The following CYP2U1 variants were observed in gnomAD, a reference collection of about 807,000 sequenced individuals.
CYP2U1 encodes cytochrome P450 2U1.
Under a neutral mutation model 42.8 loss-of-function variants are expected in CYP2U1, and 28 were observed. That is an observed-to-expected ratio of 0.65 (90% CI 0.48 to 0.90). CYP2U1 has a LOEUF of 0.90. Ranked by LOEUF, CYP2U1 falls within the 40% of genes least tolerant of loss-of-function variation. The pLI is 0.00. For missense variants in CYP2U1, 642 were observed against 693.8 expected (o/e 0.93, Z 0.84); for synonymous variants, 296 against 278.9 (o/e 1.06, Z -0.61).
Position 107,931,956 on chromosome 4 carries a change from G to A in CYP2U1, c.313G>A (p.Val105Met), listed in dbSNP as rs748573097. 11 of 1,551,514 alleles carry A rather than the reference G, an allele frequency of 7.1e-6. No homozygotes were observed. In the South Asian group the frequency reaches 9.5e-5, roughly 13 times the overall value. Reference sequence around the variant, plus strand: ...TGATCCCTCGGTCATAGGCCCGCAGGTGCTCCTGGCTCACCTAGCCCGCGT... The same window carrying A: ...TGATCCCTCGGTCATAGGCCCGCAGATGCTCCTGGCTCACCTAGCCCGCGT... ...GIDPSVIGPQ[V>M]LLAHLARVYG... Residue 105 changes from valine (V) to methionine (M), a missense_variant, in exon 1 of 5, where the codon GTG (valine) becomes ATG (methionine). Val to Met is a conservative substitution (Grantham distance 21). Transcript: ENST00000332884.
At chr4:107,942,786 A>G (rs1733544066) in intron 1 of CYP2U1, among the ~76,000 whole-genome samples, 1 of 152,224 alleles carries the variant, frequency 6.6e-6, no homozygotes, top group African/African-American at 2.4e-5. Context: ...ACCTAACACA[A>G]ATATAAATTC....
At chr4:107,932,235 C>G in intron 1 of CYP2U1, 102 bp downstream of exon 1, 4 of 1,462,474 alleles carry the variant, frequency 2.7e-6, no homozygotes, top group South Asian at 1.4e-5. Context: ...GCCCGCGCCC[C>G]CAGGCTGCCT....
intron 1 of CYP2U1, chr4:107,940,461 G>T (rs1476919143): frequency 6.6e-6 from 1 of 151,968 alleles, no homozygotes; most frequent in African/African-American, 2.4e-5. Flanking sequence ...ATGAACCGCT[G>T]TGTTCCAGTT....
intron 1 of CYP2U1, chr4:107,938,768 T>C (rs1010593066): frequency 2.0e-5 from 3 of 152,146 alleles, no homozygotes; most frequent in Non-Finnish European, 4.4e-5. Flanking sequence ...TACAAATTTG[T>C]AGTTTAAAAA....
chr4:107,945,304 G>T lies in CYP2U1; in HGVS notation c.825G>T (p.Trp275Cys). The T allele has an allele frequency of 6.2e-7, 1 of 1,613,970 alleles. No individual in the cohort carries two copies. Among genetic ancestry groups the T allele is most frequent in the Non-Finnish European group, 8.5e-7 (1 of 1,180,004 alleles). ...SQVLLVNICP[W>C]LYYLPFGPFK... The stretch of plus-strand genomic sequence containing the variant: ...TCCTCCTGGTCAACATATGCCCTTG[G>T]CTTTATTACCTTCCCTTTGGACCAT... The change falls in exon 2 of 5, where the codon TGG becomes TGT. Residue 275 changes from tryptophan to cysteine, a missense_variant. By Grantham distance (215) the Trp-to-Cys change is radical. Coordinates refer to ENST00000332884, the MANE Select transcript of CYP2U1 (RefSeq NM_183075.3).
intron 1 of CYP2U1, among the ~76,000 whole-genome samples, chr4:107,939,356 T>C (rs1217062047): frequency 1.3e-5 from 2 of 152,158 alleles, no homozygotes; most frequent in Non-Finnish European, 2.9e-5. Context: ...GGAAATAGTT[T>C]ATGGGCCTTT....
chr4:107,947,078 T>C (rs1733722129), intron 2 of CYP2U1, among the ~76,000 whole-genome samples: 1 of 152,160 alleles, frequency 6.6e-6, no homozygotes, highest in Non-Finnish European at 1.5e-5. Context: ...AGAGAGTCAA[T>C]CCCATGTTCA....
intron 1 of CYP2U1, among the ~76,000 whole-genome samples, chr4:107,935,081 T>C (rs1733209899): frequency 1.3e-5 from 2 of 152,264 alleles, no homozygotes; most frequent in Non-Finnish European, 2.9e-5. Context: ...TTGATGTATG[T>C]ATCACATTTT....
chr4:107,944,114 T>C (rs1019384011), intron 1 of CYP2U1, among the ~76,000 whole-genome samples: 28 of 152,304 alleles, frequency 1.8e-4, no homozygotes, highest in African/African-American at 6.3e-4. Flanking sequence ...ATTCATTTAG[T>C]CAGCTAATAT....
intron 1 of CYP2U1, chr4:107,936,098 T>C (rs1390535540): frequency 6.6e-6 from 1 of 152,166 alleles, no homozygotes; most frequent in Admixed American, 6.6e-5. Flanking sequence ...GACAAGGTGG[T>C]CTTCTTCTTA....
intron 1 of CYP2U1, among the ~76,000 whole-genome samples, chr4:107,942,300 A>C (rs985428398): frequency 2.6e-5 from 4 of 152,164 alleles, no homozygotes; most frequent in African/African-American, 9.7e-5. Context: ...CACTGTCTGC[A>C]CCTCAGCAAA....
At position 107,949,472 on chromosome 4, in the gene CYP2U1, C is replaced by G; in HGVS notation, c.1411C>G (p.Gln471Glu). The change falls in exon 4 of 5, where the codon CAA (glutamine) becomes GAA (glutamate). Residue 471 changes from glutamine to glutamate, a missense_variant. Gln to Glu is a conservative substitution (Grantham distance 29). Coordinates refer to ENST00000332884, the MANE Select transcript of CYP2U1 (RefSeq NM_183075.3). ...CTACCCTAATCGATTTCTGGATGAC[C>G]AAGGACAACTAATTAAAAAAGAAAC... Reference protein sequence around the residue: ...DFYPNRFLDDQGQLIKKETFI... With the variant: ...DFYPNRFLDDEGQLIKKETFI... 6.2e-7 allele frequency: 1 copy of G among 1,603,430 alleles called. No individual in the cohort carries two copies. The highest frequency in any genetic ancestry group is 8.5e-7 in the Non-Finnish European group (1 of 1,174,850).
Position 107,932,115 on chromosome 4 carries a change from A to G in CYP2U1, c.472A>G (p.Ile158Val). The change falls in exon 1 of 5, where the codon ATC becomes GTC. Residue 158 changes from isoleucine to valine, a missense_variant. By Grantham distance (29) the Ile-to-Val change is conservative (BLOSUM62 3). Transcript: ENST00000332884. ...CCGCCCGCGGGTGCCGCTCATCTCCATCGTGACCAAGGAGAAGGGTGAGCG... is the reference window on the plus strand; with the variant it reads ...CCGCCCGCGGGTGCCGCTCATCTCCGTCGTGACCAAGGAGAAGGGTGAGCG... ...SDRPRVPLIS[I>V]VTKEKGVVFA... The G allele has an allele frequency of 1.2e-6, 2 of 1,603,906 alleles. No homozygotes were observed. Among genetic ancestry groups the G allele is most frequent in the East Asian group, 2.3e-5 (1 of 44,328 alleles).
rs1383066375 is a variant in CYP2U1 at position 107,952,772 on chromosome 4, A to G, written c.*2349A>G. 1.3e-5 allele frequency: 2 copies of G among 152,250 alleles called. No individual in the cohort carries two copies. The highest frequency in any genetic ancestry group is 4.8e-5 in the African/African-American group (2 of 41,470). 9.4% of individuals were successfully genotyped at this position (152,250 alleles called of 1,614,324 possible). On this transcript the variant is annotated 3_prime_UTR_variant, in exon 5 of 5. Coordinates refer to ENST00000332884, the MANE Select transcript of CYP2U1 (RefSeq NM_183075.3). ...AAATGAAAATAATATCTGCTTAACCAAAACATAATCATAGGAAGAAGAAAA... is the reference window on the plus strand; with the variant it reads ...AAATGAAAATAATATCTGCTTAACCGAAACATAATCATAGGAAGAAGAAAA...
chr4:107,950,737 A>G lies in CYP2U1; in HGVS notation c.*314A>G, dbSNP rs1033165811. 8.9e-6 allele frequency: 2 copies of G among 225,152 alleles called. No homozygotes were observed. Among genetic ancestry groups the G allele is most frequent in the Non-Finnish European group, 1.7e-5 (2 of 114,682 alleles). The allele number at this position is 225,152 out of a possible 1,614,324, so 13.9% of individuals were successfully genotyped here. On this transcript the variant is annotated 3_prime_UTR_variant, in exon 5 of 5. Transcript: ENST00000332884. ...ATCTTCTCATTTCTTAGTGCCTCAGACATCCCATATGTAAAATGAGAGTAA... is the reference window on the plus strand; with the variant it reads ...ATCTTCTCATTTCTTAGTGCCTCAGGCATCCCATATGTAAAATGAGAGTAA...
At position 107,947,423 on chromosome 4, in the gene CYP2U1, C is replaced by A. The variant is rs762403327; in HGVS notation, c.1174C>A (p.Pro392Thr). ...AAGAGTCATTGGCGCCAACCGAGCT[C>A]CTTCCCTCACAGACAAGGCCCAGAT... ...IERVIGANRA[P>T]SLTDKAQMPY... The change falls in exon 3 of 5, where the codon CCT (proline) becomes ACT (threonine). Residue 392 changes from proline (P) to threonine (T), a missense_variant. Coordinates refer to ENST00000332884, the MANE Select transcript of CYP2U1 (RefSeq NM_183075.3). The A allele has an allele frequency of 9.9e-6, 16 of 1,614,046 alleles. No individual in the cohort carries two copies. The highest frequency in any genetic ancestry group is 1.4e-5 in the Non-Finnish European group (16 of 1,180,024).
intron 4 of CYP2U1, among the ~76,000 whole-genome samples, chr4:107,949,872 C>A (rs1374373005): frequency 6.6e-6 from 1 of 152,054 alleles, no homozygotes; most frequent in Non-Finnish European, 1.5e-5. Flanking sequence ...ACATAGAATT[C>A]TTTCTGTGGA....
rs1733960760 is a variant in CYP2U1 at position 107,952,953 on chromosome 4, C to T, written c.*2530C>T. On this transcript the variant is annotated 3_prime_UTR_variant, in exon 5 of 5. Coordinates refer to ENST00000332884, the MANE Select transcript of CYP2U1 (RefSeq NM_183075.3). ...ATTTTTGCTTTTTGAAAAAGAAAAG[C>T]TAATAGCCTAACTGCAGAGGAACTG... 2 of 152,072 alleles carry T rather than the reference C, an allele frequency of 1.3e-5. No individual in the cohort carries two copies. The highest frequency in any genetic ancestry group is 2.1e-4 in the South Asian group (1 of 4,822). The allele number at this position is 152,072 out of a possible 1,614,324, so 9.4% of individuals were successfully genotyped here. A position where few individuals can be genotyped will look rare whatever the true frequency, so the allele number is the denominator to read the frequency against.
chr4:107,944,839 C>CATATATATATATATATATATATATATAT lies in CYP2U1; in HGVS notation c.491-119_491-118insATATATATATATATATATATATATATAT, dbSNP rs374845038. ...TCTTGACTAGTGGTCTTTATATATA[C>CATATATATATATATATATATATATATAT]ATATATATATATTTATATGAGGAAT... On this transcript the variant is annotated intron_variant, in intron 1 of 4. Transcript: ENST00000332884. 573 of 64,004 alleles carry CATATATATATATATATATATATATATAT rather than the reference C, an allele frequency of 9.0e-3. 81 individuals carry two copies. Among genetic ancestry groups the CATATATATATATATATATATATATATAT allele is most frequent in the East Asian group, 0.03 (20 of 664 alleles). 4.0% of individuals were successfully genotyped at this position (64,004 alleles called of 1,614,324 possible). A position where few individuals can be genotyped will look rare whatever the true frequency, so the allele number is the denominator to read the frequency against.
Sources: allele counts gnomAD v4.1 joint callset (sites outside exome capture counted in the v4.1 genomes callset), GRCh38; gene constraint gnomAD v4.1.1; transcripts MANE v1.5; gene names NCBI Gene and HGNC (gene_info 2026-07-23, HGNC 2026-07-21).